CDC5L: variants seen among roughly 807,000 people sequenced by gnomAD.
CDC5L encodes cell division cycle 5-like protein.
Under a neutral mutation model 104.1 loss-of-function variants are expected in CDC5L, and 18 were observed. That is an observed-to-expected ratio of 0.17 (90% CI 0.12 to 0.26). The LOEUF is 0.26. CDC5L is among the 10% of genes least tolerant of loss of function. CDC5L has a pLI of 1.00. For synonymous variants in CDC5L, 331 were observed against 322.7 expected (o/e 1.03, Z -0.28); for missense variants, 673 against 956.9 (o/e 0.70, Z 3.91).
At position 44,408,579 on chromosome 6, in the gene CDC5L, A is replaced by T. The variant is rs972004000; in HGVS notation, c.1039A>T (p.Ser347Cys). 9.3e-6 allele frequency: 15 copies of T among 1,613,550 alleles called. No homozygotes were observed. The highest frequency in any genetic ancestry group is 1.3e-5 in the Non-Finnish European group (15 of 1,179,542). ...GTCTGAGTACAATGTCACCAACAAC[A>T]GCGTTGCTCTTAGAACACCACGAAC... ...LLSEYNVTNN[S>C]VALRTPRTPA... Residue 347 changes from serine (S) to cysteine (C), a missense_variant, in exon 8 of 16, where the codon AGC (serine) becomes TGC (cysteine). Around this residue, in one of 4 missense-constraint regions of CDC5L, gnomAD observed 578 missense variants for 737.0 expected, o/e 0.78. Coordinates refer to ENST00000371477, the MANE Select transcript of CDC5L (RefSeq NM_001253.4).
intron 7 of CDC5L, among the ~76,000 whole-genome samples, chr6:44,406,845 G>A (rs1190253491): frequency 1.2e-4 from 19 of 152,064 alleles, no homozygotes; most frequent in African/African-American, 4.6e-4. Flanking sequence ...CCCGGGAGGT[G>A]GAGGTTGCAG....
intron 10 of CDC5L, 23 bp from the exon 11 acceptor site, chr6:44,424,396 G>A (rs768066789): frequency 3.7e-6 from 6 of 1,603,708 alleles, no homozygotes; most frequent in Non-Finnish European, 5.1e-6. Context: ...CATGAATTGA[G>A]AAGGACCACT....
chr6:44,419,618 T>A (rs762366717), intron 9 of CDC5L, 21 bp downstream of exon 9: 1 of 1,596,100 alleles, frequency 6.3e-7, no homozygotes, highest in South Asian at 1.1e-5. Context: ...TGAACACGTT[T>A]TTATTTTAGA....
chr6:44,390,058 C>T (rs1039166043), intron 1 of CDC5L, among the ~76,000 whole-genome samples: 4 of 152,154 alleles, frequency 2.6e-5, no homozygotes, highest in African/African-American at 7.2e-5. Context: ...GGGTAGCTGT[C>T]TTTCTAAGGG....
intron 11 of CDC5L, among the ~76,000 whole-genome samples, chr6:44,425,701 A>G (rs982956209): frequency 1.3e-5 from 2 of 152,160 alleles, no homozygotes; most frequent in African/African-American, 4.8e-5. Flanking sequence ...GTGTTATCCC[A>G]CATTATTCAT....
At chr6:44,433,331 A>G (rs920933645) in intron 14 of CDC5L, among the ~76,000 whole-genome samples, 2 of 152,198 alleles carry the variant, frequency 1.3e-5, no homozygotes, top group African/African-American at 4.8e-5. Flanking sequence ...TAAATGAGTC[A>G]TTACTGTATT....
chr6:44,421,351 G>A (rs1429928923), intron 9 of CDC5L, among the ~76,000 whole-genome samples: 3 of 152,214 alleles, frequency 2.0e-5, no homozygotes, highest in Admixed American at 2.0e-4. Context: ...GAAGCATGTA[G>A]TAGGAAAATG....
chr6:44,402,680 C>T (rs1015961213), intron 5 of CDC5L, among the ~76,000 whole-genome samples: 1 of 152,138 alleles, frequency 6.6e-6, no homozygotes, highest in African/African-American at 2.4e-5. Flanking sequence ...CAATGACTAT[C>T]GTTATTAATA....
chr6:44,391,499 C>T (rs780806014), intron 2 of CDC5L, among the ~76,000 whole-genome samples: 6 of 152,008 alleles, frequency 3.9e-5, no homozygotes, highest in African/African-American at 1.2e-4. Flanking sequence ...CCATCCACCT[C>T]GGCCTCCCAG....
rs1791483809 is a variant in CDC5L, at chr6:44,408,566, T to C, written c.1026T>C (p.Asn342=). 1 of 1,613,934 alleles carries C rather than the reference T, an allele frequency of 6.2e-7. No individual in the cohort carries two copies. The change falls in exon 8 of 16, where the codon AAT becomes AAC. Residue 342 remains asparagine, a synonymous_variant. Transcript: ENST00000371477. ...SASSTLLSEY[N]VTNNSVALRT... is the part of the protein sequence containing the mutation. ...CCAGTACACTTTTGTCTGAGTACAA[T>C]GTCACCAACAACAGCGTTGCTCTTA...
chr6:44,400,224 G>A (rs1179398329), intron 5 of CDC5L, among the ~76,000 whole-genome samples: 1 of 152,064 alleles, frequency 6.6e-6, no homozygotes, highest in Non-Finnish European at 1.5e-5. Flanking sequence ...AGTTTCCGTT[G>A]CTTGCATTTT....
rs140336913 is a variant in CDC5L at position 44,421,348 on chromosome 6, G to A, written c.1242-1299G>A. ...TAAAATACAAATGTTATGGAAGCAT[G>A]TAGTAGGAAAATGGAATTGGAACTT... is the stretch of plus-strand genomic sequence containing the variant. On this transcript the variant is annotated intron_variant, in intron 9 of 15. Coordinates refer to ENST00000371477, the MANE Select transcript of CDC5L (RefSeq NM_001253.4). Among the ~76,000 whole-genome samples, 615 of 152,320 alleles carry A rather than the reference G, an allele frequency of 4.0e-3. 5 individuals are homozygous for A. The highest frequency in any genetic ancestry group is 0.014 in the African/African-American group (562 of 41,568).
At position 44,446,695 on chromosome 6, in the gene CDC5L, T is replaced by C. The variant is rs1561982783; in HGVS notation, c.2393T>C (p.Leu798Ser). The change falls in exon 16 of 16, where the codon TTA becomes TCA. Residue 798 changes from leucine to serine, a missense_variant. Transcript: ENST00000371477. ...GATTTGCTGCTGGAGAAAGAGACTT[T>C]AAAGTCAAAATTCTGAAGTACAGTT... The part of the protein sequence containing the change: ...YADLLLEKET[L>S]KSKF 1.9e-6 allele frequency: 3 copies of C among 1,552,462 alleles called. No homozygotes were observed. Among genetic ancestry groups the C allele is most frequent in the East Asian group, 2.3e-5 (1 of 43,676 alleles).
intron 1 of CDC5L, 107 bp from the exon 2 acceptor site, chr6:44,390,161 A>T: frequency 1.5e-6 from 1 of 676,710 alleles, no homozygotes; most frequent in Non-Finnish European, 2.6e-6. Context: ...GTGTATGTGC[A>T]TGTTATATGT....
chr6:44,413,148 C>T (rs1207993677), intron 8 of CDC5L, among the ~76,000 whole-genome samples: 3 of 152,176 alleles, frequency 2.0e-5, no homozygotes, highest in Non-Finnish European at 2.9e-5. Flanking sequence ...TCCCCATTCC[C>T]CTCAAACCTG....
chr6:44,392,491 T>G (rs1790667654), intron 2 of CDC5L, among the ~76,000 whole-genome samples, 176 bp from the exon 3 acceptor site: 1 of 152,190 alleles, frequency 6.6e-6, no homozygotes, highest in Non-Finnish European at 1.5e-5. Context: ...AAATAGAATG[T>G]GATGAGATGG....
chr6:44,423,065 T>C (rs1792261852), intron 10 of CDC5L, among the ~76,000 whole-genome samples: 1 of 152,216 alleles, frequency 6.6e-6, no homozygotes, highest in African/African-American at 2.4e-5. Flanking sequence ...TTTAGCAAGC[T>C]GAGGTAGAAA....
intron 9 of CDC5L, 48 bp from the exon 10 acceptor site, chr6:44,422,598 AT>A (rs1002138421): frequency 8.2e-7 from 1 of 1,214,306 alleles, no homozygotes; most frequent in Non-Finnish European, 1.1e-6. Context: ...TGAAAGCACA[AT>A]CCAAATGTAA....
chr6:44,418,371 T>C (rs11571972), intron 8 of CDC5L, among the ~76,000 whole-genome samples: 3,360 of 152,116 alleles, frequency 0.022, 85 homozygotes, highest in African/African-American at 0.055. Flanking sequence ...GTATATGTGC[T>C]ACATTTTCTT....
Sources: gnomAD v4.1 joint callset for allele counts (sites outside exome capture counted in the v4.1 genomes callset) on GRCh38, gnomAD v4.1.1 for gene constraint, gnomAD v4.1.1 regional missense constraint, MANE v1.5 for transcripts, NCBI Gene and HGNC (gene_info 2026-07-23, HGNC 2026-07-21) for gene names.